Variants in DOCK4 observed in about 807,000 individuals in gnomAD.
DOCK4 encodes dedicator of cytokinesis protein 4.
In DOCK4, 97 loss-of-function variants were observed where a neutral mutation model predicts 268.1. The observed-to-expected ratio is 0.36, with a 90% CI of 0.31 to 0.43. The LOEUF is 0.43. Among genes scored for constraint, DOCK4 ranks in the 20% least tolerant of loss-of-function variants. The probability of loss-of-function intolerance (pLI) is 1.00; values close to 1 mark genes in which losing one functional copy is unlikely to be tolerated. For synonymous variants in DOCK4, 954 were observed against 887.2 expected (o/e 1.08, Z -1.34); for missense variants, 2,145 against 2,455.7 (o/e 0.87, Z 2.67).
intron 1 of DOCK4, among the ~76,000 whole-genome samples, chr7:112,163,468 G>T (rs1817320843): frequency 6.6e-6 from 1 of 152,104 alleles, no homozygotes; most frequent in Non-Finnish European, 1.5e-5. Flanking sequence ...AGAGAAATTT[G>T]GCCTAGCTCT....
intron 1 of DOCK4, among the ~76,000 whole-genome samples, chr7:112,181,219 T>C (rs1818999977): frequency 6.6e-6 from 1 of 152,086 alleles, no homozygotes; most frequent in African/African-American, 2.4e-5. Flanking sequence ...TCTAGAAAAA[T>C]ATTTAGTATG....
At chr7:111,774,406 G>T (rs1365048088) in intron 36 of DOCK4, among the ~76,000 whole-genome samples, 1 of 152,152 alleles carries the variant, frequency 6.6e-6, no homozygotes, top group Non-Finnish European at 1.5e-5. Context: ...AGGTGAAGTT[G>T]CAGTGGGCCG....
intron 1 of DOCK4, among the ~76,000 whole-genome samples, chr7:112,149,560 T>A (rs991976326): frequency 1.4e-5 from 2 of 142,352 alleles, no homozygotes; most frequent in Non-Finnish European, 3.1e-5. Flanking sequence ...ATACAACATA[T>A]CCTTATTTTA....
At chr7:111,996,571 G>C (rs1799975044) in intron 4 of DOCK4, among the ~76,000 whole-genome samples, 1 of 152,120 alleles carries the variant, frequency 6.6e-6, no homozygotes, top group South Asian at 2.1e-4. Flanking sequence ...TTTTCTTCCA[G>C]TAACAGCCCT....
At position 111,803,846 on chromosome 7, in the gene DOCK4, T is replaced by C. The variant is rs926175737; in HGVS notation, c.3166+4975A>G. The stretch of plus-strand genomic sequence containing the variant: ...AGAAAAGGTGTTTACTTATCACTAG[T>C]TGGCTTTTATGCTCTAAAAATACAT... On this transcript the variant is annotated intron_variant, in intron 30 of 52. Coordinates refer to ENST00000428084, the MANE Select transcript of DOCK4 (RefSeq NM_001363540.2). 2.0e-5 allele frequency among the ~76,000 whole-genome samples: 3 copies of C among 152,194 alleles called. No individual in the cohort carries two copies. In the South Asian group the frequency reaches 6.2e-4, roughly 31 times the overall value.
chr7:111,776,462 C>T (rs965446592), intron 36 of DOCK4, among the ~76,000 whole-genome samples: 26 of 152,114 alleles, frequency 1.7e-4, no homozygotes, highest in Non-Finnish European at 5.9e-5. Flanking sequence ...AATCAGTGGA[C>T]TTAACTCAAT....
At chr7:112,177,642 C>T (rs528868065) in intron 1 of DOCK4, among the ~76,000 whole-genome samples, 188 of 152,266 alleles carry the variant, frequency 1.2e-3, no homozygotes, top group African/African-American at 4.4e-3. Context: ...TTTCTGATAG[C>T]TAATCACATG....
intron 15 of DOCK4, among the ~76,000 whole-genome samples, 161 bp downstream of exon 15, chr7:111,900,213 T>A (rs574195502): frequency 6.6e-6 from 1 of 152,338 alleles, no homozygotes; most frequent in Admixed American, 6.5e-5. Flanking sequence ...GTTTAGCTTT[T>A]AACACTGTGC....
intron 52 of DOCK4, among the ~76,000 whole-genome samples, chr7:111,729,519 G>A (rs565788075): frequency 6.6e-6 from 1 of 152,314 alleles, no homozygotes; most frequent in African/African-American, 2.4e-5. Context: ...GTGCACTCCA[G>A]CCTGGGCAAC....
intron 23 of DOCK4, among the ~76,000 whole-genome samples, chr7:111,854,921 T>C (rs1027892256): frequency 2.0e-5 from 3 of 152,212 alleles, no homozygotes; most frequent in African/African-American, 7.2e-5. Flanking sequence ...ATAATTGTGC[T>C]AGGTGATTCA....
At chr7:112,201,998 A>G (rs1327932676) in intron 1 of DOCK4, among the ~76,000 whole-genome samples, 8 of 152,198 alleles carry the variant, frequency 5.3e-5, no homozygotes, top group Non-Finnish European at 1.5e-5. Flanking sequence ...TACCCTCCAC[A>G]TTACTGAAAA....
At chr7:111,765,285 G>A (rs1167612744) in intron 38 of DOCK4, 63 bp from the exon 39 acceptor site, 8 of 940,262 alleles carry the variant, frequency 8.5e-6, no homozygotes, top group Non-Finnish European at 1.1e-5. Flanking sequence ...CAAATTTATA[G>A]AATAAGATTT....
chr7:112,154,697 G>C (rs1052055777), intron 1 of DOCK4, among the ~76,000 whole-genome samples: 1 of 152,144 alleles, frequency 6.6e-6, no homozygotes. Flanking sequence ...GAACACTGGC[G>C]TGGGGTTGAC....
At chr7:111,917,437 G>A (rs1792702931) in intron 12 of DOCK4, among the ~76,000 whole-genome samples, 4 of 151,950 alleles carry the variant, frequency 2.6e-5, no homozygotes, top group Admixed American at 2.6e-4. Context: ...TTGCTGGCCG[G>A]GTGCGGTGGC....
At chr7:112,037,988 A>AGGTT (rs1215159634) in intron 1 of DOCK4, among the ~76,000 whole-genome samples, 1 of 152,220 alleles carries the variant, frequency 6.6e-6, no homozygotes, top group Admixed American at 6.5e-5. Flanking sequence ...TGATAAAATT[A>AGGTT]ATCAGAAGTC....
chr7:111,730,777 C>T (rs1354302168), intron 52 of DOCK4, among the ~76,000 whole-genome samples: 1 of 152,180 alleles, frequency 6.6e-6, no homozygotes, highest in Non-Finnish European at 1.5e-5. Context: ...TTCCTTCAAA[C>T]CCTACATATA....
At chr7:112,056,205 C>T (rs571637530) in intron 1 of DOCK4, among the ~76,000 whole-genome samples, 166 of 152,108 alleles carry the variant, frequency 1.1e-3, no homozygotes, top group Admixed American at 2.0e-3. Context: ...CATAATTAGC[C>T]CCTCTGTAAG....
At chr7:111,968,478 A>G (rs1048660471) in intron 8 of DOCK4, among the ~76,000 whole-genome samples, 1 of 97,360 alleles carries the variant, frequency 1.0e-5, no homozygotes, top group African/African-American at 6.0e-5. Flanking sequence ...ATCACTGGCC[A>G]TCAGAGAAAT....
chr7:112,165,522 A>T (rs1817513993), intron 1 of DOCK4, among the ~76,000 whole-genome samples: 1 of 94,416 alleles, frequency 1.1e-5, no homozygotes. Flanking sequence ...GGAATAGTAT[A>T]CGTGTGTGTG....
Sources: allele counts gnomAD v4.1 joint callset (sites outside exome capture counted in the v4.1 genomes callset), GRCh38; gene constraint gnomAD v4.1.1; transcripts MANE v1.5; gene names NCBI Gene and HGNC (gene_info 2026-07-23, HGNC 2026-07-21).